Variants in SYT1 observed in about 807,000 individuals in gnomAD.
The protein encoded by SYT1 is synaptotagmin-1.
Under a neutral mutation model 44.8 loss-of-function variants are expected in SYT1, and 8 were observed. The observed-to-expected ratio is 0.18, with a 90% confidence interval of 0.10 to 0.32. The LOEUF (loss-of-function observed/expected upper bound fraction) is 0.32. Among genes scored for constraint, SYT1 ranks in the 10% least tolerant of loss-of-function variants. The probability of loss-of-function intolerance (pLI) is 1.00; values close to 1 mark genes in which losing one functional copy is unlikely to be tolerated. For synonymous variants in SYT1, 154 were observed against 188.8 expected, an observed-to-expected ratio of 0.82 and a Z score of 1.51; for missense variants, 286 against 509.3, an observed-to-expected ratio of 0.56 and a Z score of 4.22.
chr12:79,254,785 C>G (rs2138706574), intron 4 of SYT1, among the ~76,000 whole-genome samples: 1 of 152,210 alleles, frequency 6.6e-6, no homozygotes, highest in South Asian at 2.1e-4. Context: ...TTGAGAGGTT[C>G]AGAACTTCAG....
intron 8 of SYT1, among the ~76,000 whole-genome samples, chr12:79,340,824 A>T (rs190865542): frequency 6.6e-6 from 1 of 152,332 alleles, no homozygotes; most frequent in Non-Finnish European, 1.5e-5. Flanking sequence ...CAAGTACCTC[A>T]GCACACTATA....
At chr12:79,249,962 G>A (rs990427597) in intron 4 of SYT1, among the ~76,000 whole-genome samples, 1 of 152,008 alleles carries the variant, frequency 6.6e-6, no homozygotes, top group Non-Finnish European at 1.5e-5. Context: ...AAAAAAATAG[G>A]GTTGGGTCTG....
intron 3 of SYT1, among the ~76,000 whole-genome samples, chr12:79,187,476 C>G (rs1468032696): frequency 6.6e-6 from 1 of 152,062 alleles, no homozygotes; most frequent in Non-Finnish European, 1.5e-5. Context: ...CTGACAAGCA[C>G]CTGGGATTTA....
Position 79,349,049 on chromosome 12 carries a change from G to GAA in SYT1, c.811-4451_811-4450dup, listed in dbSNP as rs1555219984. On this transcript the variant is annotated intron_variant, in intron 8 of 10. Transcript: ENST00000261205. ...AAAGAAAGAAAAAGAAAGAAAGAAA[G>GAA]AAAGAAAGGAGGGAGGGAGGGAGGG... is the stretch of plus-strand genomic sequence containing the variant. Among the ~76,000 whole-genome samples the GAA allele has an allele frequency of 3.5e-3, 429 of 123,806 alleles. 4 individuals carry two copies. Among genetic ancestry groups the GAA allele is most frequent in the African/African-American group, 0.012 (402 of 33,492 alleles). The allele number at this position is 123,806 out of a possible 152,430, so 81.2% of individuals were successfully genotyped here.
rs140008427 is a variant in SYT1 at position 79,262,039 on chromosome 12, A to G, written c.167-23748A>G. Among the ~76,000 whole-genome samples the G allele has an allele frequency of 3.3e-3, 506 of 152,328 alleles. 1 individual carries two copies. The highest frequency in any genetic ancestry group is 0.011 in the African/African-American group (473 of 41,582). Reference sequence around the variant, plus strand: ...AATAACTGCTCTATGAGATCAATAAATCCAATCTATTCTGATATAGAAAGG... The same window carrying G: ...AATAACTGCTCTATGAGATCAATAAGTCCAATCTATTCTGATATAGAAAGG... On this transcript the variant is annotated intron_variant, in intron 4 of 10. Coordinates refer to ENST00000261205, the MANE Select transcript of SYT1 (RefSeq NM_005639.3).
chr12:79,138,643 TTG>T (rs544735626), intron 3 of SYT1, among the ~76,000 whole-genome samples: 6 of 152,134 alleles, frequency 3.9e-5, no homozygotes, highest in East Asian at 1.9e-4. Flanking sequence ...TACATATTAT[TTG>T]TGTGTGTGTG....
At chr12:79,120,197 T>G (rs1879519185) in intron 3 of SYT1, among the ~76,000 whole-genome samples, 1 of 151,978 alleles carries the variant, frequency 6.6e-6, no homozygotes, top group Non-Finnish European at 1.5e-5. Flanking sequence ...GAGAACCCAA[T>G]CAATTCAAGA....
At chr12:79,297,380 TA>T (rs1412666366) in intron 7 of SYT1, among the ~76,000 whole-genome samples, 1 of 152,164 alleles carries the variant, frequency 6.6e-6, no homozygotes, top group African/African-American at 2.4e-5. Flanking sequence ...AATAAAATTT[TA>T]AAAATATTGT....
intron 3 of SYT1, among the ~76,000 whole-genome samples, chr12:79,178,170 C>T (rs1385344937): frequency 4.6e-5 from 7 of 152,062 alleles, no homozygotes; most frequent in Non-Finnish European, 8.8e-5. Context: ...GCATAGTTGG[C>T]CCTTGCCTGA....
At chr12:79,382,321 C>T (rs1245769) in intron 9 of SYT1, among the ~76,000 whole-genome samples, 68,538 of 152,016 alleles carry the variant, frequency 0.45, 18,582 homozygotes, top group African/African-American at 0.77. Context: ...CCCTGAAAGA[C>T]TATTTTCCCC....
At chr12:79,441,129 G>T (rs1410121414) in intron 9 of SYT1, among the ~76,000 whole-genome samples, 2 of 152,170 alleles carry the variant, frequency 1.3e-5, no homozygotes, top group Admixed American at 6.5e-5. Flanking sequence ...AGCTGATAAA[G>T]AACCCTAAGT....
At chr12:79,050,093 A>T (rs981935768) in intron 3 of SYT1, among the ~76,000 whole-genome samples, 7 of 152,156 alleles carry the variant, frequency 4.6e-5, no homozygotes, top group Non-Finnish European at 8.8e-5. Flanking sequence ...CTAATAGCCT[A>T]CTGTTGACTG....
chr12:79,328,663 A>G (rs771443446), intron 8 of SYT1, among the ~76,000 whole-genome samples: 22 of 151,978 alleles, frequency 1.4e-4, no homozygotes, highest in South Asian at 4.1e-4. Context: ...TGGCTAACAC[A>G]GTGAAACCCC....
At chr12:79,105,887 G>GAAA (rs548347157) in intron 3 of SYT1, among the ~76,000 whole-genome samples, 1 of 96,516 alleles carries the variant, frequency 1.0e-5, no homozygotes. Flanking sequence ...CTCAAGAAAA[G>GAAA]AAAAAAAAAA....
intron 1 of SYT1, among the ~76,000 whole-genome samples, chr12:78,897,570 A>C (rs1055774486): frequency 1.3e-5 from 2 of 152,048 alleles, no homozygotes; most frequent in African/African-American, 4.8e-5. Context: ...GAATAGTCAG[A>C]TGATGGTTTC....
rs1362024325 is a variant in SYT1 at position 79,299,654 on chromosome 12, C to A, written c.810+103C>A. The A allele has an allele frequency of 3.5e-6, 5 of 1,410,586 alleles. No individual in the cohort carries two copies. In the East Asian group the frequency reaches 1.2e-4, roughly 34 times the overall value. 87.4% of individuals were successfully genotyped at this position (1,410,586 alleles called of 1,614,324 possible). A position where few individuals can be genotyped will look rare whatever the true frequency, so the allele number is the denominator to read the frequency against. ...TACTCTTTACAAAGGGGGATGTGGGCCTCTAGTTGTTGACAGCTGATAAAA... is the reference window on the plus strand; with the variant it reads ...TACTCTTTACAAAGGGGGATGTGGGACTCTAGTTGTTGACAGCTGATAAAA... On this transcript the variant is annotated intron_variant, in intron 8 of 10. Transcript: ENST00000261205.
At chr12:78,934,136 G>A (rs1565725443) in intron 1 of SYT1, among the ~76,000 whole-genome samples, 1 of 149,176 alleles carries the variant, frequency 6.7e-6, no homozygotes, top group Admixed American at 6.7e-5. Context: ...GTGTATATAT[G>A]TGTGTGTGTG....
At chr12:79,165,718 C>T (rs1200983333) in intron 3 of SYT1, among the ~76,000 whole-genome samples, 3 of 151,900 alleles carry the variant, frequency 2.0e-5, no homozygotes, top group Admixed American at 1.3e-4. Flanking sequence ...GTCCTTATAA[C>T]ATAACTTAAT....
chr12:78,959,514 C>T (rs1879391206), intron 1 of SYT1, among the ~76,000 whole-genome samples: 1 of 152,062 alleles, frequency 6.6e-6, no homozygotes, highest in African/African-American at 2.4e-5. Flanking sequence ...ATCACAAAAA[C>T]ATTGTTTATG....
Sources: gnomAD v4.1 joint callset for allele counts (sites outside exome capture counted in the v4.1 genomes callset) on GRCh38, gnomAD v4.1.1 for gene constraint, MANE v1.5 for transcripts, NCBI Gene and HGNC (gene_info 2026-07-23, HGNC 2026-07-21) for gene names.